GNAI2: variants seen among roughly 807,000 people sequenced by gnomAD.
The protein encoded by GNAI2 is guanine nucleotide-binding protein G(i) subunit alpha-2.
GNAI2 carries 4 observed loss-of-function variants against 36.8 expected under a neutral mutation model. That is an observed-to-expected ratio of 0.11 (90% CI 0.05 to 0.25). The LOEUF is 0.25. Among genes scored for constraint, GNAI2 ranks in the 10% least tolerant of loss-of-function variants. The pLI, the probability that GNAI2 is intolerant of heterozygous loss-of-function variation, is 1.00. For missense variants in GNAI2, 230 were observed against 481.3 expected, an observed-to-expected ratio of 0.48 and a Z score of 4.89; for synonymous variants, 194 against 194.1, an observed-to-expected ratio of 1.00 and a Z score of 0.01.
At chr3:50,251,821 A>T (rs899037137) in intron 1 of GNAI2, 2 of 1,276,546 alleles carry the variant, frequency 1.6e-6, no homozygotes, top group Non-Finnish European at 2.0e-6. Context: ...CCCCCAGGAC[A>T]GTGGGGAGCC....
chr3:50,258,488 GTC>G lies in GNAI2; in HGVS notation c.*146_*147del, dbSNP rs1262965774. On this transcript the variant is annotated 3_prime_UTR_variant, in exon 9 of 9. Coordinates refer to ENST00000313601, the MANE Select transcript of GNAI2 (RefSeq NM_002070.4). ...CCTCTCTTTGTTCTCAGCTCCCCCT[GTC>G]CCCTCAGCTCCAGACGTAGGGGAGG... is the stretch of plus-strand genomic sequence containing the variant. 6.3e-6 allele frequency: 1 copy of G among 159,632 alleles called. No homozygotes were observed. The highest frequency in any genetic ancestry group is 1.9e-4 in the East Asian group (1 of 5,398). 9.9% of individuals were successfully genotyped at this position (159,632 alleles called of 1,614,324 possible).
At chr3:50,235,088 T>A (rs1700135259), upstream of GNAI2, 1 of 152,338 alleles carries the variant, frequency 6.6e-6, no homozygotes, top group Admixed American at 6.6e-5. Flanking sequence ...TTCCTCTTTC[T>A]TCCCTCCCAA....
Position 50,252,187 on chromosome 3 carries a change from C to T in GNAI2, c.161+45C>T, listed in dbSNP as rs911242600. ...GGCAGTGCTCAAACTCCAGCTTCCC[C>T]TCTTCACCCTCTGGGCCTGCACTGC... On this transcript the variant is annotated intron_variant, in intron 2 of 8. Transcript: ENST00000313601. The surrounding 1 kb of genome is among the most constrained non-coding windows in gnomAD (Gnocchi z 4.1). The T allele has an allele frequency of 1.3e-6, 2 of 1,574,092 alleles. No homozygotes were observed. Among genetic ancestry groups the T allele is most frequent in the Non-Finnish European group, 1.7e-6 (2 of 1,145,326 alleles).
intron 7 of GNAI2, 28 bp from the exon 8 acceptor site, chr3:50,257,472 G>A: frequency 2.0e-6 from 3 of 1,499,492 alleles, no homozygotes; most frequent in Non-Finnish European, 2.7e-6. Flanking sequence ...CACACATGCA[G>A]CACAAGTCTT....
Position 50,251,375 on chromosome 3 carries a change from C to A in GNAI2, c.119-725C>A. On this transcript the variant is annotated intron_variant, in intron 1 of 8. Coordinates refer to ENST00000313601, the MANE Select transcript of GNAI2 (RefSeq NM_002070.4). ...AGTACCAGCTAAAGAGAAATATGGGCCAGGGCTGTACCAGGCCAGGGAAAA... is the reference window on the plus strand; with the variant it reads ...AGTACCAGCTAAAGAGAAATATGGGACAGGGCTGTACCAGGCCAGGGAAAA... 3.0e-6 allele frequency: 3 copies of A among 1,005,500 alleles called. No homozygotes were observed. In the South Asian group the frequency reaches 1.1e-4, roughly 38 times the overall value. The allele number at this position is 1,005,500 out of a possible 1,614,324, so 62.3% of individuals were successfully genotyped here. A position where few individuals can be genotyped will look rare whatever the true frequency, so the allele number is the denominator to read the frequency against.
upstream of GNAI2, among the ~76,000 whole-genome samples, chr3:50,231,889 A>G (rs955187544): frequency 1.6e-4 from 25 of 152,160 alleles, no homozygotes; most frequent in Non-Finnish European, 2.1e-4. Context: ...GACAATCATA[A>G]AGCCTTACAG....
chr3:50,256,630 C>A (rs1433157234), intron 5 of GNAI2, 93 bp from the exon 6 acceptor site: 6 of 1,361,314 alleles, frequency 4.4e-6, no homozygotes, highest in Non-Finnish European at 6.2e-6. Flanking sequence ...CTACTCTGGG[C>A]AGGCCTCTGT....
intron 1 of GNAI2, among the ~76,000 whole-genome samples, chr3:50,248,191 T>G (rs1340599210): frequency 1.3e-5 from 2 of 152,050 alleles, no homozygotes; most frequent in Non-Finnish European, 2.9e-5. Context: ...AGGCAAAGGT[T>G]GCAGTGAGCC....
Position 50,252,185 on chromosome 3 carries a change from C to T in GNAI2, c.161+43C>T. 6.3e-7 allele frequency: 1 copy of T among 1,576,278 alleles called. No homozygotes were observed. Among genetic ancestry groups the T allele is most frequent in the Non-Finnish European group, 8.7e-7 (1 of 1,147,004 alleles). On this transcript the variant is annotated intron_variant, in intron 2 of 8. Transcript: ENST00000313601. The surrounding 1 kb of genome is among the most constrained non-coding windows in gnomAD (Gnocchi z 4.1). The stretch of plus-strand genomic sequence containing the variant: ...GAGGCAGTGCTCAAACTCCAGCTTC[C>T]CCTCTTCACCCTCTGGGCCTGCACT...
rs112726782 is a variant in GNAI2, at chr3:50,252,394, C to G, written c.162-3C>G. 1 of 1,613,668 alleles carries G rather than the reference C, an allele frequency of 6.2e-7. No homozygotes were observed. Among genetic ancestry groups the G allele is most frequent in the Non-Finnish European group, 8.5e-7 (1 of 1,179,954 alleles). On this transcript the variant is annotated splice_polypyrimidine_tract_variant and splice_region_variant and intron_variant, in intron 2 of 8. Coordinates refer to ENST00000313601, the MANE Select transcript of GNAI2 (RefSeq NM_002070.4). This position sits in a 1 kb window ranked among gnomAD's most constrained non-coding sequence, Gnocchi z 4.1. ...ACTAACCTTCCTGGTCCCTGGCTAT[C>G]AGGATCATCCACGAGGATGGCTACT...
Position 50,238,127 on chromosome 3 carries a change from G to C in GNAI2, c.118+1674G>C, listed in dbSNP as rs2109183693. ...CTGTCTCTGCTGTGAGTGCGGCAGC[G>C]GCAGTGAGTGGGTGTCGACGCGGCG... On this transcript the variant is annotated intron_variant, in intron 1 of 8. Transcript: ENST00000313601. This position sits in a 1 kb window ranked among gnomAD's most constrained non-coding sequence, Gnocchi z 5.0. 6.6e-6 allele frequency: 1 copy of C among 152,360 alleles called. No homozygotes were observed. Among genetic ancestry groups the C allele is most frequent in the African/African-American group, 2.4e-5 (1 of 41,582 alleles). The allele number at this position is 152,360 out of a possible 1,614,324, so 9.4% of individuals were successfully genotyped here.
rs1465329391 is a variant in GNAI2, at chr3:50,255,934, T to C, written c.465-258T>C. On this transcript the variant is annotated intron_variant, in intron 4 of 8. Coordinates refer to ENST00000313601, the MANE Select transcript of GNAI2 (RefSeq NM_002070.4). The surrounding 1 kb of genome is among the most constrained non-coding windows in gnomAD (Gnocchi z 4.0). ...GGCGGCAGGCGCCTGTAGTCCCAGC[T>C]ACTCAGGAGGCTGAGGCAGGAGAAT... is the stretch of plus-strand genomic sequence containing the variant. Among the ~76,000 whole-genome samples the C allele has an allele frequency of 6.7e-6, 1 of 149,316 alleles. No individual in the cohort carries two copies. The highest frequency in any genetic ancestry group is 1.5e-5 in the Non-Finnish European group (1 of 67,772).
intron 1 of GNAI2, among the ~76,000 whole-genome samples, chr3:50,247,278 A>T (rs1700448381): frequency 6.6e-6 from 1 of 152,196 alleles, no homozygotes; most frequent in African/African-American, 2.4e-5. Context: ...GGATCTCAGG[A>T]AGGATCAGAG....
chr3:50,251,253 A>C (rs782730105), intron 1 of GNAI2: 1 of 535,720 alleles, frequency 1.9e-6, no homozygotes, highest in Admixed American at 6.4e-5. Flanking sequence ...TCTTAGATCA[A>C]TACTTTATTT....
At chr3:50,245,543 G>A (rs782334940) in intron 1 of GNAI2, among the ~76,000 whole-genome samples, 22 of 152,248 alleles carry the variant, frequency 1.4e-4, no homozygotes, top group Non-Finnish European at 2.1e-4. Context: ...GAACAGCGGA[G>A]GGATGCCTGA....
At chr3:50,240,517 G>A (rs1180052838) in intron 1 of GNAI2, among the ~76,000 whole-genome samples, 2 of 152,220 alleles carry the variant, frequency 1.3e-5, no homozygotes, top group African/African-American at 4.8e-5. Flanking sequence ...AGCATCAGGT[G>A]AAGCCCTGGC....
In GNAI2 at chr3:50,236,355, C is replaced by T; in HGVS notation, c.20C>T (p.Ala7Val). Residue 7 changes from alanine (A) to valine (V), a missense_variant, in exon 1 of 9, where the codon GCC becomes GTC. Ala to Val is a moderately conservative substitution (Grantham distance 64). This residue lies in a region of GNAI2 where 132 missense variants were observed against 247.4 expected (regional missense o/e 0.53). Transcript: ENST00000313601. This position sits in a 1 kb window ranked among gnomAD's most constrained non-coding sequence, Gnocchi z 4.0. The stretch of plus-strand genomic sequence containing the variant: ...GGCGGGATGGGCTGCACCGTGAGCG[C>T]CGAGGACAAGGCGGCGGCCGAGCGC... MGCTVSAEDKAAAERSK... is the reference protein window; with the variant it reads MGCTVSVEDKAAAERSK... 2 of 1,528,662 alleles carry T rather than the reference C, an allele frequency of 1.3e-6. No individual in the cohort carries two copies. The allele number at this position is 1,528,662 out of a possible 1,614,324, so 94.7% of individuals were successfully genotyped here.
chr3:50,229,061 C>G (rs1700027651), upstream of GNAI2: 2 of 152,172 alleles, frequency 1.3e-5, no homozygotes, highest in Admixed American at 1.3e-4. Flanking sequence ...GTTTTTGCTC[C>G]TTCATTAAAT....
rs781921675 is a variant in GNAI2, at chr3:50,258,976, C to T, written c.*633C>T. On this transcript the variant is annotated 3_prime_UTR_variant, in exon 9 of 9. Coordinates refer to ENST00000313601, the MANE Select transcript of GNAI2 (RefSeq NM_002070.4). The stretch of plus-strand genomic sequence containing the variant: ...ACTGTCAGATCCTGACCAGCAAGCC[C>T]CCCCCCAGCCCCCCTTCCAAGTGAC... 8.9e-6 allele frequency: 4 copies of T among 447,014 alleles called. No homozygotes were observed. Among genetic ancestry groups the T allele is most frequent in the South Asian group, 6.4e-5 (4 of 62,682 alleles). The allele number at this position is 447,014 out of a possible 1,614,324, so 27.7% of individuals were successfully genotyped here. A position where few individuals can be genotyped will look rare whatever the true frequency, so the allele number is the denominator to read the frequency against.
Sources: gnomAD v4.1 joint callset for allele counts (sites outside exome capture counted in the v4.1 genomes callset) on GRCh38, gnomAD v4.1.1 for gene constraint, gnomAD v4.1.1 regional missense constraint, Gnocchi (gnomAD v3.1) non-coding constraint, MANE v1.5 for transcripts, NCBI Gene and HGNC (gene_info 2026-07-23, HGNC 2026-07-21) for gene names.